Variants in CACNA1C observed in about 807,000 individuals in gnomAD.
CACNA1C encodes the protein voltage-dependent L-type calcium channel subunit alpha-1C.
CACNA1C carries 30 observed loss-of-function variants against 229.0 expected under a neutral mutation model. The observed-to-expected ratio is 0.13, with a 90% CI of 0.10 to 0.18. CACNA1C has a LOEUF of 0.18. Ranked by LOEUF, CACNA1C falls within the 10% of genes least tolerant of loss-of-function variation. CACNA1C has a pLI of 1.00. For synonymous variants in CACNA1C, 1,114 were observed against 1,132.5 expected (o/e 0.98, Z 0.33); for missense variants, 1,658 against 2,845.0 (o/e 0.58, Z 9.49).
chr12:2,316,067 A>G (rs1567016770), intron 3 of CACNA1C, among the ~76,000 whole-genome samples: 1 of 152,256 alleles, frequency 6.6e-6, no homozygotes. Flanking sequence ...ACCTTCATGG[A>G]CAGAGAGCAG....
intron 27 of CACNA1C, among the ~76,000 whole-genome samples, chr12:2,610,195 C>A (rs1388938901): frequency 1.3e-5 from 2 of 152,150 alleles, no homozygotes; most frequent in African/African-American, 4.8e-5. Flanking sequence ...AGCTGTCAGT[C>A]GGTCAGGAAG....
chr12:2,454,965 C>T (rs929545802), intron 4 of CACNA1C, among the ~76,000 whole-genome samples: 3 of 152,142 alleles, frequency 2.0e-5, no homozygotes, highest in Non-Finnish European at 2.9e-5. Context: ...CACAGGTGGA[C>T]GCCCTTCGCA....
chr12:2,206,987 CTT>C lies in CACNA1C; in HGVS notation c.477+86558_477+86559del, dbSNP rs2097772755. Among the ~76,000 whole-genome samples, 3 of 152,302 alleles carry C rather than the reference CTT, an allele frequency of 2.0e-5. No homozygotes were observed. In the South Asian group the frequency reaches 6.2e-4, roughly 32 times the overall value. On this transcript the variant is annotated intron_variant, in intron 3 of 46. Transcript: ENST00000399655. ...GCAATATAACATTTTAGTGAAAAGTCTTGAGTTACATTTCAAGTACAGTTGAT... is the reference window on the plus strand; with the variant it reads ...GCAATATAACATTTTAGTGAAAAGTCGAGTTACATTTCAAGTACAGTTGAT...
In CACNA1C at chr12:2,108,937, G is replaced by C. The variant is rs1166818347; in HGVS notation, c.50-6287G>C. ...ACTACAGCAAGATGACAGACAGCAAGAGCCAAGTGGGCTTCTGGGTGACAT... is the reference window on the plus strand; with the variant it reads ...ACTACAGCAAGATGACAGACAGCAACAGCCAAGTGGGCTTCTGGGTGACAT... On this transcript the variant is annotated intron_variant, in intron 1 of 46. Transcript: ENST00000399655. The surrounding 1 kb of genome is among the most constrained non-coding windows in gnomAD (Gnocchi z 5.3). Among the ~76,000 whole-genome samples the C allele has an allele frequency of 6.6e-6, 1 of 152,234 alleles. No individual in the cohort carries two copies. Among genetic ancestry groups the C allele is most frequent in the Non-Finnish European group, 1.5e-5 (1 of 68,044 alleles).
intron 3 of CACNA1C, among the ~76,000 whole-genome samples, chr12:2,365,301 G>A (rs577122799): frequency 6.6e-6 from 1 of 152,170 alleles, no homozygotes; most frequent in Non-Finnish European, 1.5e-5. Context: ...AAAGAAATCG[G>A]TAATTTTAGG....
chr12:2,333,292 G>A (rs1304684246), intron 3 of CACNA1C, among the ~76,000 whole-genome samples: 1 of 152,170 alleles, frequency 6.6e-6, no homozygotes, highest in Non-Finnish European at 1.5e-5. Flanking sequence ...GGAATTCCAG[G>A]TGAGATTGGG....
chr12:2,040,659 C>T (rs1341521686), intron 1 of CACNA1C, among the ~76,000 whole-genome samples: 1 of 152,046 alleles, frequency 6.6e-6, no homozygotes, highest in East Asian at 1.9e-4. Flanking sequence ...GAATAAAAGA[C>T]AAAAAGAAAA....
chr12:2,289,709 G>A (rs924665887), intron 3 of CACNA1C, among the ~76,000 whole-genome samples: 1 of 151,974 alleles, frequency 6.6e-6, no homozygotes, highest in African/African-American at 2.4e-5. Flanking sequence ...GTGTATCAGT[G>A]CCATATGGGC....
rs762410620 is a variant in CACNA1C at position 2,692,568 on chromosome 12, CTT to C, written c.*1371_*1372del. On this transcript the variant is annotated 3_prime_UTR_variant, in exon 47 of 47. Coordinates refer to ENST00000399655, the MANE Select transcript of CACNA1C (RefSeq NM_000719.7). The stretch of plus-strand genomic sequence containing the variant: ...GCTTCTGAAACGGGAATCAGTAACT[CTT>C]TGCATTTTCTGTCCCACAAGATATG... The C allele has an allele frequency of 4.6e-5, 7 of 152,614 alleles. No individual in the cohort carries two copies. The highest frequency in any genetic ancestry group is 1.2e-4 in the African/African-American group (5 of 41,426). 9.5% of individuals were successfully genotyped at this position (152,614 alleles called of 1,614,324 possible).
Position 2,054,046 on chromosome 12 carries a change from C to T in CACNA1C, c.49+435C>T, listed in dbSNP as rs2053485386. ...CTCGGGGCGCGGCTGGGAGCGCGCG[C>T]GCGCGCACCCTGCGCCGGCAGAGCC... is the stretch of plus-strand genomic sequence containing the variant. On this transcript the variant is annotated intron_variant, in intron 1 of 46. Coordinates refer to ENST00000399655, the MANE Select transcript of CACNA1C (RefSeq NM_000719.7). This position sits in a 1 kb window ranked among gnomAD's most constrained non-coding sequence, Gnocchi z 5.5. Among the ~76,000 whole-genome samples the T allele has an allele frequency of 1.4e-5, 2 of 146,830 alleles. No individual in the cohort carries two copies. The highest frequency in any genetic ancestry group is 1.4e-4 in the Admixed American group (2 of 14,798).
chr12:2,455,921 T>G lies in CACNA1C; in HGVS notation c.618-1646T>G, dbSNP rs1313036680. 3.3e-5 allele frequency among the ~76,000 whole-genome samples: 5 copies of G among 152,160 alleles called. No homozygotes were observed. The East Asian group carries it at 9.6e-4, about 29-fold the overall frequency. On this transcript the variant is annotated intron_variant, in intron 4 of 46. Coordinates refer to ENST00000399655, the MANE Select transcript of CACNA1C (RefSeq NM_000719.7). ...GTTGAGTGCTTTCACATCCTCACCTTCTGCACTGGCCTCCTAGGTAGTCAC... is the reference window on the plus strand; with the variant it reads ...GTTGAGTGCTTTCACATCCTCACCTGCTGCACTGGCCTCCTAGGTAGTCAC...
chr12:2,628,134 A>G (rs1234089946), intron 29 of CACNA1C, among the ~76,000 whole-genome samples: 1 of 152,198 alleles, frequency 6.6e-6, no homozygotes, highest in Non-Finnish European at 1.5e-5. Context: ...CCTGACTGAA[A>G]GCTGGTGCGG....
intron 3 of CACNA1C, among the ~76,000 whole-genome samples, chr12:2,291,757 T>C (rs1447411710): frequency 2.0e-5 from 3 of 152,150 alleles, no homozygotes; most frequent in Non-Finnish European, 4.4e-5. Context: ...GAAAGGTGAA[T>C]GTAACCAGCC....
intron 1 of CACNA1C, among the ~76,000 whole-genome samples, chr12:2,041,144 G>C (rs2050002501): frequency 6.6e-6 from 1 of 152,040 alleles, no homozygotes; most frequent in African/African-American, 2.4e-5. Flanking sequence ...TGCCTGCTCT[G>C]TTTGGCCTTT....
intron 3 of CACNA1C, among the ~76,000 whole-genome samples, chr12:2,436,626 G>A (rs185174210): frequency 2.2e-3 from 330 of 152,274 alleles, no homozygotes; most frequent in Non-Finnish European, 3.4e-3. Flanking sequence ...GTGTCTGCAC[G>A]CTACTGCCTT....
chr12:2,523,705 A>C (rs1240826819), intron 9 of CACNA1C, among the ~76,000 whole-genome samples: 2 of 152,172 alleles, frequency 1.3e-5, no homozygotes, highest in Non-Finnish European at 2.9e-5. Flanking sequence ...GCACTCAGTA[A>C]AGAGCTGATT....
rs756018473 is a variant in CACNA1C, at chr12:2,689,396, C to T, written c.6117+617C>T. ...CCTAGGAGAACCGTTTCAGGGAATT[C>T]GGGAAGAAAACCTGGAGAGGAGGTG... On this transcript the variant is annotated intron_variant, in intron 46 of 46. Transcript: ENST00000399655. This position sits in a 1 kb window ranked among gnomAD's most constrained non-coding sequence, Gnocchi z 4.2. 3.9e-4 allele frequency among the ~76,000 whole-genome samples: 60 copies of T among 152,112 alleles called. No individual in the cohort carries two copies. The highest frequency in any genetic ancestry group is 7.9e-4 in the Non-Finnish European group (54 of 67,986).
At chr12:2,578,483 G>T (rs934995742) in intron 13 of CACNA1C, among the ~76,000 whole-genome samples, 6 of 152,160 alleles carry the variant, frequency 3.9e-5, no homozygotes, top group Non-Finnish European at 8.8e-5. Context: ...AGGCTTCGTG[G>T]GCCTCACCTC....
intron 1 of CACNA1C, among the ~76,000 whole-genome samples, chr12:1,977,598 C>G (rs1350084058): frequency 6.6e-6 from 1 of 152,130 alleles, no homozygotes; most frequent in South Asian, 2.1e-4. Context: ...TTATTTGGCA[C>G]CACAGAATAT....
Sources: gnomAD v4.1 joint callset for allele counts (sites outside exome capture counted in the v4.1 genomes callset) on GRCh38, gnomAD v4.1.1 for gene constraint, Gnocchi (gnomAD v3.1) non-coding constraint, MANE v1.5 for transcripts, NCBI Gene and HGNC (gene_info 2026-07-23, HGNC 2026-07-21) for gene names.